Variants in TYW1 observed in about 807,000 individuals in gnomAD.
TYW1 encodes tRNA-yW synthesizing protein 1 homolog.
In TYW1, 46 loss-of-function variants were observed where a neutral mutation model predicts 96.2. That is an observed-to-expected ratio of 0.48 (90% CI 0.38 to 0.61). The LOEUF is 0.61. TYW1 is among the 20% of genes least tolerant of loss of function. The probability of loss-of-function intolerance (pLI) is 0.00; values close to 1 mark genes in which losing one functional copy is unlikely to be tolerated. For missense variants in TYW1, 684 were observed against 909.6 expected (o/e 0.75, Z 3.19); for synonymous variants, 274 against 323.0 (o/e 0.85, Z 1.63).
At chr7:67,051,737 T>G (rs1232444233) in intron 8 of TYW1, among the ~76,000 whole-genome samples, 4 of 151,612 alleles carry the variant, frequency 2.6e-5, no homozygotes, top group Non-Finnish European at 2.9e-5. Flanking sequence ...TTTTTGTTTT[T>G]TTTTTTTTTT....
At chr7:67,112,966 C>T (rs117667656) in intron 12 of TYW1, among the ~76,000 whole-genome samples, 125 of 152,254 alleles carry the variant, frequency 8.2e-4, no homozygotes, top group Middle Eastern at 3.4e-3. Flanking sequence ...CAGGCATCCC[C>T]GAATTCCATT....
At chr7:67,140,850 A>AG (rs1312964713) in intron 13 of TYW1, among the ~76,000 whole-genome samples, 1 of 152,238 alleles carries the variant, frequency 6.6e-6, no homozygotes, top group Non-Finnish European at 1.5e-5. Flanking sequence ...CAAACTATCC[A>AG]TCAGTCAGGA....
At chr7:67,133,570 C>T (rs12540025) in intron 13 of TYW1, among the ~76,000 whole-genome samples, 5,913 of 145,134 alleles carry the variant, frequency 0.041, 182 homozygotes, top group Middle Eastern at 0.1. Flanking sequence ...TGATGATGTG[C>T]GCCTGTTGTC....
intron 12 of TYW1, among the ~76,000 whole-genome samples, chr7:67,116,193 C>T (rs36022246): frequency 4.0e-5 from 6 of 151,664 alleles, no homozygotes; most frequent in Non-Finnish European, 7.4e-5. Flanking sequence ...GGATGTGGCA[C>T]GGTACACTTG....
intron 7 of TYW1, among the ~76,000 whole-genome samples, chr7:67,048,514 A>G: frequency 6.6e-6 from 1 of 152,052 alleles, no homozygotes; most frequent in Non-Finnish European, 1.5e-5. Context: ...CCATTCCCAA[A>G]AAGATAGGGA....
rs1190322321 is a variant in TYW1, at chr7:67,081,838, C to G, written c.1275-1592C>G. On this transcript the variant is annotated intron_variant, in intron 10 of 15. Coordinates refer to ENST00000359626, the MANE Select transcript of TYW1 (RefSeq NM_018264.4). ...TCTTCCTTCCTTTTTTTTGGTCTGACTGGGTCATTTCAAAAGTCCTGTCTT... is the reference window on the plus strand; with the variant it reads ...TCTTCCTTCCTTTTTTTTGGTCTGAGTGGGTCATTTCAAAAGTCCTGTCTT... Among the ~76,000 whole-genome samples, 6 of 144,364 alleles carry G rather than the reference C, an allele frequency of 4.2e-5. No homozygotes were observed. In the Admixed American group the frequency reaches 4.3e-4, roughly 10 times the overall value. 94.7% of individuals were successfully genotyped at this position (144,364 alleles called of 152,430 possible). A position where few individuals can be genotyped will look rare whatever the true frequency, so the allele number is the denominator to read the frequency against.
At chr7:67,113,677 T>C (rs947653140) in intron 12 of TYW1, among the ~76,000 whole-genome samples, 2 of 151,374 alleles carry the variant, frequency 1.3e-5, no homozygotes, top group African/African-American at 4.9e-5. Context: ...CTTGCTCTGT[T>C]GCCCAGGCTG....
At chr7:67,029,409 G>GTATATA in intron 7 of TYW1, among the ~76,000 whole-genome samples, 5 of 107,084 alleles carry the variant, frequency 4.7e-5, no homozygotes, top group African/African-American at 1.1e-4. Context: ...GTGTGTGTGT[G>GTATATA]TGTGTGTATA....
intron 10 of TYW1, among the ~76,000 whole-genome samples, chr7:67,076,798 G>A (rs1260824388): frequency 2.4e-5 from 3 of 124,142 alleles, no homozygotes; most frequent in Non-Finnish European, 5.0e-5. Flanking sequence ...TTTTTTTAAG[G>A]CAGAGTCTTG....
At chr7:67,086,107 AT>A (rs1796542792) in intron 11 of TYW1, among the ~76,000 whole-genome samples, 2 of 152,148 alleles carry the variant, frequency 1.3e-5, no homozygotes, top group South Asian at 4.1e-4. Flanking sequence ...GCTAATGATT[AT>A]TTTAATTTCT....
chr7:67,180,425 A>ATATATATATATTATT (rs1563058168), intron 13 of TYW1, among the ~76,000 whole-genome samples: 14 of 68,624 alleles, frequency 2.0e-4, no homozygotes, highest in South Asian at 9.7e-4. Flanking sequence ...TATATATATA[A>ATATATATATATTATT]TTTTTTTTTT....
At chr7:67,097,520 T>C (rs1361667296) in intron 11 of TYW1, among the ~76,000 whole-genome samples, 1 of 152,182 alleles carries the variant, frequency 6.6e-6, no homozygotes, top group Non-Finnish European at 1.5e-5. Context: ...TGCCTCAGCC[T>C]CCCGAGTAGC....
intron 15 of TYW1, among the ~76,000 whole-genome samples, chr7:67,196,622 T>C (rs1375508329): frequency 6.6e-6 from 1 of 150,826 alleles, no homozygotes; most frequent in Non-Finnish European, 1.5e-5. Flanking sequence ...CTGGCTTAAA[T>C]GGCTGTGTCA....
At chr7:67,191,870 G>A (rs1800229067) in intron 14 of TYW1, among the ~76,000 whole-genome samples, 1 of 151,352 alleles carries the variant, frequency 6.6e-6, no homozygotes, top group Admixed American at 6.6e-5. Flanking sequence ...CCCTCAGAGG[G>A]TTTTGTTGCT....
rs1293048797 is a variant in TYW1 at position 67,033,701 on chromosome 7, T to C, written c.984+8679T>C. ...CATCTCTGTGATCTGGGGGACCCTT[T>C]TTTTTTTTTTTTGAGACGGAGTCTC... On this transcript the variant is annotated intron_variant, in intron 7 of 15. Coordinates refer to ENST00000359626, the MANE Select transcript of TYW1 (RefSeq NM_018264.4). Among the ~76,000 whole-genome samples, 3 of 151,262 alleles carry C rather than the reference T, an allele frequency of 2.0e-5. No homozygotes were observed. The East Asian group carries it at 5.8e-4, about 29-fold the overall frequency.
chr7:67,013,926 G>C (rs1468508683), intron 4 of TYW1, among the ~76,000 whole-genome samples: 3 of 151,710 alleles, frequency 2.0e-5, no homozygotes, highest in Non-Finnish European at 2.9e-5. Flanking sequence ...TGTATTTTTA[G>C]TAGAGACGAG....
At chr7:67,012,048 C>CT (rs1208457811) in intron 4 of TYW1, among the ~76,000 whole-genome samples, 61 of 151,640 alleles carry the variant, frequency 4.0e-4, no homozygotes, top group African/African-American at 1.5e-3. Context: ...TGCACTAAAA[C>CT]TTTCTTTAAA....
chr7:67,074,200 T>A (rs146536121), intron 10 of TYW1, among the ~76,000 whole-genome samples: 9,085 of 152,202 alleles, frequency 0.06, 387 homozygotes, highest in Non-Finnish European at 0.073. Flanking sequence ...GCCATATGAT[T>A]ATGTAGACTG....
At chr7:67,054,330 G>T (rs1795446004) in intron 8 of TYW1, among the ~76,000 whole-genome samples, 5 of 152,052 alleles carry the variant, frequency 3.3e-5, no homozygotes. Flanking sequence ...TCTTGGGAGA[G>T]AAAAATATAA....
Sources: gnomAD v4.1 joint callset for allele counts (sites outside exome capture counted in the v4.1 genomes callset) on GRCh38, gnomAD v4.1.1 for gene constraint, MANE v1.5 for transcripts, NCBI Gene and HGNC (gene_info 2026-07-23, HGNC 2026-07-21) for gene names.